Variants in NEGR1 observed in about 807,000 individuals in gnomAD.
NEGR1 encodes neuronal growth regulator 1.
Under a neutral mutation model 40.9 loss-of-function variants are expected in NEGR1, and 10 were observed. The ratio of observed to expected loss-of-function variants is 0.24; its 90% CI spans 0.15 to 0.42. NEGR1 has a LOEUF of 0.42. Among genes scored for constraint, NEGR1 ranks in the 10% least tolerant of loss-of-function variants. The pLI is 1.00. For missense variants in NEGR1, 352 were observed against 438.9 expected, an observed-to-expected ratio of 0.80 and a Z score of 1.77; for synonymous variants, 185 against 166.8, an observed-to-expected ratio of 1.11 and a Z score of -0.84.
At chr1:71,811,883 T>TTTTAC (rs1417076524) in intron 2 of NEGR1, among the ~76,000 whole-genome samples, 2 of 150,044 alleles carry the variant, frequency 1.3e-5, no homozygotes, top group African/African-American at 4.9e-5. Flanking sequence ...TTTTATTTTA[T>TTTTAC]TTTATTTTAT....
chr1:71,716,987 A>G (rs986922379), intron 3 of NEGR1, among the ~76,000 whole-genome samples: 13 of 152,160 alleles, frequency 8.5e-5, no homozygotes, highest in African/African-American at 3.1e-4. Flanking sequence ...TTCAAGAGAG[A>G]TAAATTATGG....
At chr1:72,093,986 T>A (rs1356870256) in intron 1 of NEGR1, among the ~76,000 whole-genome samples, 1 of 152,166 alleles carries the variant, frequency 6.6e-6, no homozygotes, top group South Asian at 2.1e-4. Context: ...TGCTTAATGG[T>A]CAATAATAAT....
intron 1 of NEGR1, among the ~76,000 whole-genome samples, chr1:72,279,160 C>G (rs901868025): frequency 5.3e-5 from 8 of 152,002 alleles, no homozygotes; most frequent in Non-Finnish European, 1.0e-4. Flanking sequence ...TGTATTTAAG[C>G]TAAACAGAAA....
intron 1 of NEGR1, among the ~76,000 whole-genome samples, chr1:72,007,136 A>G (rs965895677): frequency 6.6e-6 from 1 of 152,090 alleles, no homozygotes; most frequent in Non-Finnish European, 1.5e-5. Context: ...TTTCAAAAAA[A>G]GGAGGTGTCA....
At chr1:71,730,569 T>TTATATATA (rs56382019) in intron 3 of NEGR1, among the ~76,000 whole-genome samples, 13,197 of 134,454 alleles carry the variant, frequency 0.098, 719 homozygotes, top group Non-Finnish European at 0.11. Flanking sequence ...TAGTATAAAT[T>TTATATATA]TATATATATA....
intron 6 of NEGR1, among the ~76,000 whole-genome samples, chr1:71,494,834 C>T (rs1646951454): frequency 6.6e-6 from 1 of 152,050 alleles, no homozygotes; most frequent in South Asian, 2.1e-4. Context: ...TGACTGTTCA[C>T]CCTTGAACAG....
intron 6 of NEGR1, among the ~76,000 whole-genome samples, chr1:71,501,376 A>T (rs921942514): frequency 6.6e-6 from 1 of 152,144 alleles, no homozygotes; most frequent in African/African-American, 2.4e-5. Context: ...TTTTAAGATA[A>T]TTTCTAAATA....
In NEGR1 at chr1:72,008,235, A is replaced by G. The variant is rs567658315; in HGVS notation, c.177-72924T>C. On this transcript the variant is annotated intron_variant, in intron 1 of 6. Transcript: ENST00000357731. The stretch of plus-strand genomic sequence containing the variant: ...AGTCATCATGTGACCAAGGTCACAT[A>G]GTTAATAAGTAGATTAATCAAAGAA... Among the ~76,000 whole-genome samples, 3 of 152,272 alleles carry G rather than the reference A, an allele frequency of 2.0e-5. No homozygotes were observed. In the South Asian group the frequency reaches 6.2e-4, roughly 32 times the overall value.
chr1:71,887,954 G>A (rs1052357643), intron 2 of NEGR1, among the ~76,000 whole-genome samples: 1 of 150,310 alleles, frequency 6.7e-6, no homozygotes, highest in Non-Finnish European at 1.5e-5. Flanking sequence ...GCAATGGGTA[G>A]TACCAAAGAA....
chr1:71,821,113 A>G (rs1227626691), intron 2 of NEGR1, among the ~76,000 whole-genome samples: 1 of 152,034 alleles, frequency 6.6e-6, no homozygotes, highest in Non-Finnish European at 1.5e-5. Context: ...CATGGATTGA[A>G]CAACAATATT....
At chr1:72,093,871 C>T (rs1234866703) in intron 1 of NEGR1, among the ~76,000 whole-genome samples, 1 of 152,138 alleles carries the variant, frequency 6.6e-6, no homozygotes, top group Non-Finnish European at 1.5e-5. Flanking sequence ...TTTAGCACTT[C>T]TGGGAAGATG....
chr1:72,204,664 C>CA (rs974675888), intron 1 of NEGR1, among the ~76,000 whole-genome samples: 6 of 151,662 alleles, frequency 4.0e-5, no homozygotes, highest in South Asian at 2.1e-4. Flanking sequence ...TAAGGACACA[C>CA]AAAAAAAACT....
At chr1:71,751,118 T>G (rs1308168939) in intron 3 of NEGR1, among the ~76,000 whole-genome samples, 2 of 151,974 alleles carry the variant, frequency 1.3e-5, no homozygotes, top group Non-Finnish European at 2.9e-5. Flanking sequence ...CCTGTATCCC[T>G]TTTTTAGCCT....
chr1:72,211,963 C>G (rs1188392094), intron 1 of NEGR1, among the ~76,000 whole-genome samples: 1 of 151,740 alleles, frequency 6.6e-6, no homozygotes, highest in Non-Finnish European at 1.5e-5. Context: ...GTAAATGAAC[C>G]AGATTTTGGA....
At chr1:71,866,507 A>G (rs1025069914) in intron 2 of NEGR1, among the ~76,000 whole-genome samples, 3 of 152,218 alleles carry the variant, frequency 2.0e-5, no homozygotes, top group African/African-American at 7.2e-5. Flanking sequence ...TGTAAACTGT[A>G]CTTTAAATAA....
intron 2 of NEGR1, among the ~76,000 whole-genome samples, chr1:71,805,307 G>A (rs1455648789): frequency 1.3e-5 from 2 of 152,022 alleles, no homozygotes; most frequent in Non-Finnish European, 2.9e-5. Context: ...TGATCTCTGT[G>A]ACCTACATCC....
At chr1:71,574,642 G>A (rs1416743036) in intron 6 of NEGR1, among the ~76,000 whole-genome samples, 1 of 152,092 alleles carries the variant, frequency 6.6e-6, no homozygotes, top group African/African-American at 2.4e-5. Context: ...TAGCATTCAT[G>A]TCTTAGGAAT....
chr1:72,111,826 A>C (rs2100269803), intron 1 of NEGR1, among the ~76,000 whole-genome samples: 1 of 151,932 alleles, frequency 6.6e-6, no homozygotes, highest in Middle Eastern at 3.4e-3. Context: ...AGAATGGCAA[A>C]GATGATTGTC....
chr1:72,034,280 T>G (rs1237881596), intron 1 of NEGR1, among the ~76,000 whole-genome samples: 1 of 152,228 alleles, frequency 6.6e-6, no homozygotes, highest in Non-Finnish European at 1.5e-5. Flanking sequence ...TTTATTTCTT[T>G]AGCCCTTGGA....
Sources: allele counts gnomAD v4.1 joint callset (sites outside exome capture counted in the v4.1 genomes callset), GRCh38; gene constraint gnomAD v4.1.1; transcripts MANE v1.5; gene names NCBI Gene and HGNC (gene_info 2026-07-23, HGNC 2026-07-21).